Variants in PRELID2 observed in about 807,000 individuals in gnomAD.
PRELID2 encodes the protein PRELI domain-containing protein 2.
PRELID2 carries 25 observed loss-of-function variants against 28.4 expected under a neutral mutation model. That is an observed-to-expected ratio of 0.88 (90% CI 0.64 to 1.23). The LOEUF (loss-of-function observed/expected upper bound fraction) is 1.23. Among genes scored for constraint, PRELID2 ranks in the 50% most tolerant of loss-of-function variants. The pLI, the probability that PRELID2 is intolerant of heterozygous loss-of-function variation, is 0.00. For missense variants in PRELID2, 201 were observed against 214.4 expected (o/e 0.94, Z 0.39); for synonymous variants, 76 against 71.6 (o/e 1.06, Z -0.31).
chr5:145,772,213 G>A (rs1758152211), intron 5 of PRELID2, among the ~76,000 whole-genome samples: 1 of 150,738 alleles, frequency 6.6e-6, no homozygotes, highest in Non-Finnish European at 1.5e-5. Context: ...TTTTGGATGA[G>A]ACCAAGGCTC....
chr5:145,528,732 G>C (rs925338824), intron 1 of PRELID2, among the ~76,000 whole-genome samples: 38 of 145,388 alleles, frequency 2.6e-4, no homozygotes, highest in African/African-American at 1.1e-3. Context: ...CACACAGAGA[G>C]AGAGAGAGAG....
At chr5:145,742,367 G>C (rs1376985793) in intron 1 of PRELID2, among the ~76,000 whole-genome samples, 2 of 125,764 alleles carry the variant, frequency 1.6e-5, no homozygotes, top group African/African-American at 3.0e-5. Flanking sequence ...AGAAAACAAA[G>C]CTCAACAAAT....
the PRELID2 span, among the ~76,000 whole-genome samples, chr5:145,292,347 A>G: frequency 6.6e-6 from 1 of 151,848 alleles, no homozygotes; most frequent in Non-Finnish European, 1.5e-5. Context: ...TTTCTGCTCT[A>G]CGGCTGACTT....
the PRELID2 span, among the ~76,000 whole-genome samples, chr5:145,400,818 C>T: frequency 6.6e-6 from 1 of 152,124 alleles, no homozygotes; most frequent in African/African-American, 2.4e-5. Flanking sequence ...TCAACCATGA[C>T]CTGGGACAGA....
chr5:145,764,960 C>G lies in PRELID2; in HGVS notation c.515G>C (p.Gly172Ala). Residue 172 changes from glycine (G) to alanine (A), a missense_variant, in exon 6 of 7, where the codon GGT (glycine) becomes GCT (alanine). By Grantham distance (60) the Gly-to-Ala change is moderately conservative. Transcript: ENST00000683046. ...IMEMLLKEQC[G>A]APLAE ...GATTCTTTATTCAGCTAAGGGGGCACCACACTGTTCCTTTAGCAGCATCTC... is the reference window on the plus strand; with the variant it reads ...GATTCTTTATTCAGCTAAGGGGGCAGCACACTGTTCCTTTAGCAGCATCTC... 1 of 1,611,838 alleles carries G rather than the reference C, an allele frequency of 6.2e-7. No homozygotes were observed. Among genetic ancestry groups the G allele is most frequent in the Non-Finnish European group, 8.5e-7 (1 of 1,179,062 alleles).
At chr5:145,700,355 A>C (rs2149702332) in intron 1 of PRELID2, among the ~76,000 whole-genome samples, 1 of 152,250 alleles carries the variant, frequency 6.6e-6, no homozygotes, top group East Asian at 1.9e-4. Flanking sequence ...GTACTCAAAA[A>C]AATATCAACT....
intron 5 of PRELID2, among the ~76,000 whole-genome samples, chr5:145,790,960 G>C (rs1374164597): frequency 6.6e-6 from 1 of 150,376 alleles, no homozygotes; most frequent in East Asian, 2.0e-4. Context: ...ATATACCCAT[G>C]TTTATAGCAG....
chr5:145,652,199 AG>A (rs1219989910), intron 1 of PRELID2, among the ~76,000 whole-genome samples: 1 of 152,216 alleles, frequency 6.6e-6, no homozygotes, highest in Non-Finnish European at 1.5e-5. Context: ...AGAGAAGTTT[AG>A]AAAAAAAGAA....
At chr5:145,417,055 A>T in the PRELID2 span, among the ~76,000 whole-genome samples, 1 of 152,154 alleles carries the variant, frequency 6.6e-6, no homozygotes, top group Non-Finnish European at 1.5e-5. Flanking sequence ...AGAGACAATC[A>T]GAAATGATAA....
rs148051505 is a variant in PRELID2, at chr5:145,740,504, A to T, written n.70+24427T>A. On this transcript the variant is annotated intron_variant and non_coding_transcript_variant, in intron 1 of 2. Coordinates refer to the PRELID2 transcript ENST00000510259. The stretch of plus-strand genomic sequence containing the variant: ...ATAGAAGAATGCAATAACACTATTG[A>T]AAAGAATCTAACTAGCATTTATAAA... Among the ~76,000 whole-genome samples, 79 of 137,894 alleles carry T rather than the reference A, an allele frequency of 5.7e-4. No homozygotes were observed. In the East Asian group the frequency reaches 0.015, roughly 26 times the overall value. The allele number at this position is 137,894 out of a possible 152,430, so 90.5% of individuals were successfully genotyped here.
intron 1 of PRELID2, among the ~76,000 whole-genome samples, chr5:145,575,684 A>G (rs2149621018): frequency 6.6e-6 from 1 of 152,310 alleles, no homozygotes; most frequent in South Asian, 2.1e-4. Flanking sequence ...CAAGAAAAAT[A>G]TATTGAAAAT....
chr5:145,347,946 A>G, the PRELID2 span, among the ~76,000 whole-genome samples: 3,617 of 152,206 alleles, frequency 0.024, 132 homozygotes, highest in African/African-American at 0.08. Context: ...ATTTTGATTC[A>G]AATGGTTCCC....
chr5:145,292,083 C>T, the PRELID2 span, among the ~76,000 whole-genome samples: 24 of 152,218 alleles, frequency 1.6e-4, no homozygotes, highest in African/African-American at 5.8e-4. Context: ...TCAATAAAAA[C>T]CACTTCAATT....
chr5:145,371,302 T>G, the PRELID2 span, among the ~76,000 whole-genome samples: 1 of 152,150 alleles, frequency 6.6e-6, no homozygotes, highest in Non-Finnish European at 1.5e-5. Context: ...ATACCTAGTT[T>G]ATTGAGAGTT....
the PRELID2 span, among the ~76,000 whole-genome samples, chr5:145,460,091 G>A: frequency 1.3e-5 from 2 of 152,182 alleles, no homozygotes; most frequent in African/African-American, 2.4e-5. Context: ...TTACAGGCAT[G>A]AGCCACTGTG....
chr5:145,714,220 A>C (rs907401558), intron 1 of PRELID2, among the ~76,000 whole-genome samples: 2 of 152,152 alleles, frequency 1.3e-5, no homozygotes, highest in Admixed American at 6.6e-5. Context: ...CACAACACCA[A>C]CCACTTTTAG....
intron 4 of PRELID2, among the ~76,000 whole-genome samples, chr5:145,805,083 C>T (rs1404079254): frequency 1.3e-5 from 2 of 152,110 alleles, no homozygotes; most frequent in Admixed American, 6.5e-5. Context: ...TCTTTATTTC[C>T]TATAGCTACA....
chr5:145,294,388 A>C, the PRELID2 span, among the ~76,000 whole-genome samples: 3 of 151,670 alleles, frequency 2.0e-5, no homozygotes, highest in South Asian at 6.2e-4. Context: ...CATGTGTTAC[A>C]TCATTGACTT....
At chr5:145,703,511 A>G (rs1755464135) in intron 1 of PRELID2, among the ~76,000 whole-genome samples, 1 of 152,208 alleles carries the variant, frequency 6.6e-6, no homozygotes, top group South Asian at 2.1e-4. Flanking sequence ...CTCCAGGGAA[A>G]AGAAAATGTC....
Sources: allele counts gnomAD v4.1 joint callset (sites outside exome capture counted in the v4.1 genomes callset), GRCh38; gene constraint gnomAD v4.1.1; transcripts MANE v1.5; gene names NCBI Gene and HGNC (gene_info 2026-07-23, HGNC 2026-07-21).